Variants in ARHGEF12 observed in about 807,000 individuals in gnomAD.
ARHGEF12 encodes the protein Rho guanine nucleotide exchange factor 12.
In ARHGEF12, 66 loss-of-function variants were observed where a neutral mutation model predicts 211.2. That is an observed-to-expected ratio of 0.31 (90% confidence interval 0.26 to 0.38). The LOEUF is 0.38. Ranked by LOEUF, ARHGEF12 falls within the 10% of genes least tolerant of loss-of-function variation. The probability of loss-of-function intolerance (pLI) is 1.00; values close to 1 mark genes in which losing one functional copy is unlikely to be tolerated. For synonymous variants in ARHGEF12, 592 were observed against 638.4 expected, an observed-to-expected ratio of 0.93 and a Z score of 1.09; for missense variants, 1,429 against 1,869.5, an observed-to-expected ratio of 0.76 and a Z score of 4.34.
Position 120,474,576 on chromosome 11 carries a change from A to G in ARHGEF12, c.3050A>G (p.Lys1017Arg). ...TTTTGCCAGAATTTGGATTTAACAA[A>G]AAGGAAGATGATTCATGAAGGGCCA... ...VEELRNLDLT[K>R]RKMIHEGPLV... Residue 1017 changes from lysine (K) to arginine (R), a missense_variant, in exon 32 of 41, where the codon AAA (lysine) becomes AGA (arginine). Lys to Arg is a conservative substitution (Grantham distance 26). Coordinates refer to ENST00000397843, the MANE Select transcript of ARHGEF12 (RefSeq NM_015313.3). The G allele has an allele frequency of 6.2e-7, 1 of 1,611,586 alleles. No homozygotes were observed. The highest frequency in any genetic ancestry group is 8.5e-7 in the Non-Finnish European group (1 of 1,179,374).
At chr11:120,444,903 A>G (rs1040142081) in intron 15 of ARHGEF12, among the ~76,000 whole-genome samples, 2 of 152,202 alleles carry the variant, frequency 1.3e-5, no homozygotes, top group African/African-American at 4.8e-5. Flanking sequence ...TTGACATTCA[A>G]TATTTTCTCA....
intron 1 of ARHGEF12, among the ~76,000 whole-genome samples, chr11:120,377,216 T>C (rs1407175227): frequency 6.6e-6 from 1 of 152,232 alleles, no homozygotes; most frequent in Non-Finnish European, 1.5e-5. Context: ...ACCAGCATAG[T>C]TAAGATATAT....
At chr11:120,451,443 T>C (rs1014124245) in intron 21 of ARHGEF12, 69 bp from the exon 22 acceptor site, 1 of 1,501,074 alleles carries the variant, frequency 6.7e-7, no homozygotes, top group East Asian at 2.3e-5. Context: ...TCCCAAAGTG[T>C]TGGGATTATA....
In ARHGEF12 at chr11:120,467,229, A is replaced by G. The variant is rs1946730072; in HGVS notation, c.2775A>G (p.Gln925=). 2 of 1,613,588 alleles carry G rather than the reference A, an allele frequency of 1.2e-6. No individual in the cohort carries two copies. Among genetic ancestry groups the G allele is most frequent in the South Asian group, 1.1e-5 (1 of 90,936 alleles). ...GTAATCCACTGTGTCGTCGTCTTCA[A>G]CTGAAGGATATTATTCCCACTCAAA... ...AESNPLCRRL[Q]LKDIIPTQMQ... Residue 925 remains glutamine, a synonymous_variant, in exon 29 of 41, where the codon CAA becomes CAG. Coordinates refer to ENST00000397843, the MANE Select transcript of ARHGEF12 (RefSeq NM_015313.3).
chr11:120,477,938 G>T (rs1402307192), intron 36 of ARHGEF12, among the ~76,000 whole-genome samples: 1 of 151,506 alleles, frequency 6.6e-6, no homozygotes, highest in Non-Finnish European at 1.5e-5. Flanking sequence ...TTTGGTTTAT[G>T]CAGGTTCCAG....
At chr11:120,412,354 A>C (rs1361199451) in intron 4 of ARHGEF12, among the ~76,000 whole-genome samples, 1 of 152,230 alleles carries the variant, frequency 6.6e-6, no homozygotes, top group Non-Finnish European at 1.5e-5. Flanking sequence ...CCACTGTAAC[A>C]AAATACCATA....
chr11:120,457,184 A>G lies in ARHGEF12; in HGVS notation c.2123A>G (p.Asn708Ser), dbSNP rs374705034. 4.3e-6 allele frequency: 7 copies of G among 1,614,134 alleles called. No individual in the cohort carries two copies. The highest frequency in any genetic ancestry group is 4.0e-5 in the African/African-American group (3 of 75,052). ...TTAGATGGCACACCTCGTACTCTCAATACTGTCTTTGATTTCCCACCACCT... is the reference window on the plus strand; with the variant it reads ...TTAGATGGCACACCTCGTACTCTCAGTACTGTCTTTGATTTCCCACCACCT... ...DTLDGTPRTL[N>S]TVFDFPPPPL... Residue 708 changes from asparagine (N) to serine (S), a missense_variant, in exon 23 of 41, where the codon AAT becomes AGT. Around this residue, in one of 7 missense-constraint regions of ARHGEF12, gnomAD observed 373 missense variants for 467.5 expected, o/e 0.80. Coordinates refer to ENST00000397843, the MANE Select transcript of ARHGEF12 (RefSeq NM_015313.3).
intron 4 of ARHGEF12, among the ~76,000 whole-genome samples, chr11:120,419,576 T>G (rs1219373175): frequency 6.6e-6 from 1 of 151,984 alleles, no homozygotes; most frequent in African/African-American, 2.4e-5. Context: ...AGTAGGCTCA[T>G]GTACTCATGA....
At chr11:120,406,169 T>G (rs1159495469) in intron 2 of ARHGEF12, 28 bp downstream of exon 2, 2 of 1,468,704 alleles carry the variant, frequency 1.4e-6, no homozygotes, top group Non-Finnish European at 1.8e-6. Context: ...CACTTCATAC[T>G]CAAGTTTAGG....
chr11:120,384,003 A>G (rs1591526276), intron 1 of ARHGEF12, among the ~76,000 whole-genome samples: 2 of 152,156 alleles, frequency 1.3e-5, no homozygotes, highest in Admixed American at 1.3e-4. Flanking sequence ...GCTTTGACAT[A>G]TGGGTAGCTT....
intron 1 of ARHGEF12, among the ~76,000 whole-genome samples, chr11:120,354,481 C>T (rs926870605): frequency 6.6e-5 from 10 of 152,190 alleles, no homozygotes; most frequent in Non-Finnish European, 1.3e-4. Context: ...TACTTTTAAT[C>T]TCATTTCTTC....
intron 1 of ARHGEF12, among the ~76,000 whole-genome samples, chr11:120,366,563 A>G (rs1943427165): frequency 6.6e-6 from 1 of 152,148 alleles, no homozygotes; most frequent in Non-Finnish European, 1.5e-5. Context: ...TTCTTCCACA[A>G]AAGTATTGGC....
intron 28 of ARHGEF12, 74 bp downstream of exon 28, chr11:120,465,436 C>A: frequency 6.4e-7 from 1 of 1,564,560 alleles, no homozygotes; most frequent in Non-Finnish European, 8.7e-7. Context: ...TGGGGGAATT[C>A]TGACTAAGAC....
intron 8 of ARHGEF12, 68 bp from the exon 9 acceptor site, chr11:120,429,372 C>T: frequency 7.6e-7 from 1 of 1,323,984 alleles, no homozygotes; most frequent in African/African-American, 1.5e-5. Context: ...GCCACATTTT[C>T]TCTATTTATT....
intron 1 of ARHGEF12, among the ~76,000 whole-genome samples, chr11:120,372,436 C>T (rs1328562140): frequency 6.6e-6 from 1 of 151,902 alleles, no homozygotes; most frequent in Non-Finnish European, 1.5e-5. Flanking sequence ...TTCACTATAC[C>T]CTGTCATATA....
chr11:120,440,585 T>C (rs1945839187), intron 13 of ARHGEF12, among the ~76,000 whole-genome samples: 1 of 152,208 alleles, frequency 6.6e-6, no homozygotes, highest in South Asian at 2.1e-4. Context: ...AATTCACTTA[T>C]TATTTCTTGG....
chr11:120,474,685 G>T, intron 32 of ARHGEF12, 50 bp downstream of exon 32: 2 of 1,438,382 alleles, frequency 1.4e-6, no homozygotes, highest in Non-Finnish European at 1.9e-6. Flanking sequence ...AAAAGGGAAG[G>T]AATAGGAAAG....
At chr11:120,480,504 G>GT (rs1947202504) in intron 38 of ARHGEF12, 74 bp downstream of exon 38, 5 of 1,387,188 alleles carry the variant, frequency 3.6e-6, no homozygotes, top group Non-Finnish European at 3.9e-6. Context: ...TGAAATGGAT[G>GT]TTGTATTGGT....
At chr11:120,456,864 G>A (rs1400002515) in intron 22 of ARHGEF12, among the ~76,000 whole-genome samples, 1 of 152,080 alleles carries the variant, frequency 6.6e-6, no homozygotes, top group African/African-American at 2.4e-5. Context: ...TGTGTGTGGT[G>A]GCACGCAACT....
Sources: gnomAD v4.1 joint callset for allele counts (sites outside exome capture counted in the v4.1 genomes callset) on GRCh38, gnomAD v4.1.1 for gene constraint, gnomAD v4.1.1 regional missense constraint, MANE v1.5 for transcripts, NCBI Gene and HGNC (gene_info 2026-07-23, HGNC 2026-07-21) for gene names.